Variants in ACTR3C observed in about 807,000 individuals in gnomAD.
ACTR3C encodes the protein actin related protein 3C, also known as actin-related protein 3C.
In ACTR3C, 18 loss-of-function variants were observed where a neutral mutation model predicts 26.3. The observed-to-expected ratio is 0.68, with a 90% CI of 0.47 to 1.01. The LOEUF is 1.01. Among genes scored for constraint, ACTR3C ranks in the 50% least tolerant of loss-of-function variants. The probability of loss-of-function intolerance (pLI) is 0.00; values close to 1 mark genes in which losing one functional copy is unlikely to be tolerated. For synonymous variants in ACTR3C, 55 were observed against 94.5 expected, an observed-to-expected ratio of 0.58 and a Z score of 2.42; for missense variants, 184 against 250.7, an observed-to-expected ratio of 0.73 and a Z score of 1.80.
At chr7:150,185,921 A>G in the ACTR3C span, among the ~76,000 whole-genome samples, 4 of 152,194 alleles carry the variant, frequency 2.6e-5, no homozygotes, top group African/African-American at 9.7e-5. Context: ...TTACTGCCCA[A>G]TGCTGCAACT....
the ACTR3C span, among the ~76,000 whole-genome samples, chr7:150,194,577 C>T: frequency 1.3e-5 from 2 of 151,932 alleles, no homozygotes; most frequent in African/African-American, 4.8e-5. Flanking sequence ...TACAGTTGAT[C>T]TCTTTGGATT....
chr7:149,990,922 C>G, the ACTR3C span, among the ~76,000 whole-genome samples: 4 of 152,144 alleles, frequency 2.6e-5, no homozygotes, highest in East Asian at 1.9e-4. Context: ...AAAGTGAGAC[C>G]GGAAAGCGAG....
the ACTR3C span, among the ~76,000 whole-genome samples, chr7:150,238,488 A>G: frequency 0.023 from 3,025 of 130,092 alleles, 79 homozygotes; most frequent in East Asian, 0.078. Context: ...CTGGATATGT[A>G]AAGTAGTTAA....
the ACTR3C span, among the ~76,000 whole-genome samples, chr7:150,025,609 C>T: frequency 6.6e-6 from 1 of 151,946 alleles, no homozygotes; most frequent in African/African-American, 2.4e-5. Context: ...AAAATATGGG[C>T]ACAAACAGGA....
the ACTR3C span, among the ~76,000 whole-genome samples, chr7:150,046,563 T>C: frequency 6.9e-6 from 1 of 145,096 alleles, no homozygotes; most frequent in East Asian, 2.0e-4. Context: ...AAGGCATACA[T>C]AGTAATTTCT....
chr7:150,112,563 T>A, the ACTR3C span, among the ~76,000 whole-genome samples: 1 of 152,074 alleles, frequency 6.6e-6, no homozygotes, highest in Non-Finnish European at 1.5e-5. Flanking sequence ...CTGTCAGCCC[T>A]CCTGGCTGGG....
the ACTR3C span, among the ~76,000 whole-genome samples, chr7:150,071,413 T>TG: frequency 6.6e-6 from 1 of 150,474 alleles, no homozygotes; most frequent in Non-Finnish European, 1.5e-5. Flanking sequence ...TGTGAGCCAC[T>TG]GTGCCCAGCT....
intron 6 of ACTR3C, among the ~76,000 whole-genome samples, chr7:150,251,000 C>T (rs13232921): frequency 2.6e-5 from 4 of 152,236 alleles, no homozygotes; most frequent in East Asian, 1.9e-4. Flanking sequence ...TAAATATGGA[C>T]GGAATATCTA....
the ACTR3C span, among the ~76,000 whole-genome samples, chr7:150,203,830 GTGCTGGGAT>G: frequency 6.6e-6 from 1 of 152,202 alleles, no homozygotes; most frequent in Non-Finnish European, 1.5e-5. Context: ...GCCTCCCAAA[GTGCTGGGAT>G]TGCAGGCATG....
chr7:149,943,276 C>T, the ACTR3C span, among the ~76,000 whole-genome samples: 22,769 of 134,440 alleles, frequency 0.17, 2,691 homozygotes, highest in African/African-American at 0.4. Context: ...TTTGCTGACC[C>T]CTGCTCTGGG....
At chr7:150,039,410 G>C in the ACTR3C span, among the ~76,000 whole-genome samples, 2,151 of 52,212 alleles carry the variant, frequency 0.041, 74 homozygotes, top group African/African-American at 0.13. Flanking sequence ...AGAGGGACTG[G>C]CTCTCAGTCC....
chr7:150,288,331 A>G (rs1835945209), intron 4 of ACTR3C, among the ~76,000 whole-genome samples: 1 of 149,014 alleles, frequency 6.7e-6, no homozygotes, highest in Non-Finnish European at 1.5e-5. Context: ...TTGCTCAGCA[A>G]TCCTGGCGGA....
chr7:149,952,101 A>C, the ACTR3C span, among the ~76,000 whole-genome samples: 1 of 151,282 alleles, frequency 6.6e-6, no homozygotes, highest in Non-Finnish European at 1.5e-5. Flanking sequence ...TCTTCTTATA[A>C]GGATGTCAGT....
chr7:150,103,752 C>A, the ACTR3C span, among the ~76,000 whole-genome samples: 1 of 151,902 alleles, frequency 6.6e-6, no homozygotes, highest in Admixed American at 6.6e-5. Flanking sequence ...TGGTTGAGGG[C>A]ACCTTCATGA....
chr7:149,958,197 G>A, the ACTR3C span, among the ~76,000 whole-genome samples: 2 of 151,972 alleles, frequency 1.3e-5, no homozygotes, highest in South Asian at 4.2e-4. Flanking sequence ...AAAGCCCATG[G>A]GGACACCTCT....
the ACTR3C span, among the ~76,000 whole-genome samples, chr7:150,041,178 G>A: frequency 2.0e-5 from 3 of 150,342 alleles, no homozygotes; most frequent in Admixed American, 2.0e-4. Context: ...CTGTTGTTGG[G>A]ATCCCCATTT....
the ACTR3C span, among the ~76,000 whole-genome samples, chr7:149,992,279 T>A: frequency 1.3e-5 from 2 of 152,250 alleles, no homozygotes; most frequent in African/African-American, 4.8e-5. Context: ...TGATATGTCA[T>A]GGGATCTTTG....
At chr7:150,082,947 C>CTTTTTTTTTT in the ACTR3C span, among the ~76,000 whole-genome samples, 7 of 108,546 alleles carry the variant, frequency 6.4e-5, no homozygotes, top group African/African-American at 1.8e-4. Flanking sequence ...TTTTTTTTTT[C>CTTTTTTTTTT]TTTTTTTTTT....
At chr7:150,176,438 A>G in the ACTR3C span, among the ~76,000 whole-genome samples, 2 of 150,802 alleles carry the variant, frequency 1.3e-5, no homozygotes, top group Admixed American at 1.3e-4. Flanking sequence ...CCTCTAATTA[A>G]CTGATTACAG....
Sources: gnomAD v4.1 joint callset for allele counts (sites outside exome capture counted in the v4.1 genomes callset) on GRCh38, gnomAD v4.1.1 for gene constraint, MANE v1.5 for transcripts, NCBI Gene and HGNC (gene_info 2026-07-23, HGNC 2026-07-21) for gene names.